AKAP9: variants seen among roughly 807,000 people sequenced by gnomAD.
AKAP9 encodes the protein A-kinase anchoring protein 9.
Under a neutral mutation model 488.5 loss-of-function variants are expected in AKAP9, and 311 were observed. That is an observed-to-expected ratio of 0.64 (90% confidence interval 0.58 to 0.70). The LOEUF (loss-of-function observed/expected upper bound fraction) is 0.70, where lower values mean the gene tolerates loss of function less well. Among genes scored for constraint, AKAP9 ranks in the 30% least tolerant of loss-of-function variants. AKAP9 has a pLI of 0.00. For synonymous variants in AKAP9, 1,462 were observed against 1,483.5 expected, an observed-to-expected ratio of 0.99 and a Z score of 0.33; for missense variants, 4,215 against 4,374.5, an observed-to-expected ratio of 0.96 and a Z score of 1.03.
chr7:91,965,835 A>G (rs1794375569), intron 1 of AKAP9, among the ~76,000 whole-genome samples: 1 of 152,194 alleles, frequency 6.6e-6, no homozygotes, highest in Non-Finnish European at 1.5e-5. Flanking sequence ...GTATTCTCTT[A>G]AGAAATGTCT....
intron 1 of AKAP9, among the ~76,000 whole-genome samples, chr7:91,953,908 A>C (rs754371184): frequency 1.3e-5 from 2 of 151,086 alleles, no homozygotes; most frequent in Non-Finnish European, 2.9e-5. Context: ...AGTAAAAACC[A>C]TTATGTGTTT....
intron 21 of AKAP9, 112 bp from the exon 22 acceptor site, chr7:92,052,614 T>G (rs1460102189): frequency 1.4e-6 from 1 of 735,498 alleles, no homozygotes; most frequent in African/African-American, 1.8e-5. Flanking sequence ...AATATTGTTT[T>G]AAAAGACCTT....
At chr7:91,974,007 G>A (rs749850670) in intron 2 of AKAP9, 39 bp downstream of exon 2, 71 of 1,610,582 alleles carry the variant, frequency 4.4e-5, no homozygotes, top group Non-Finnish European at 5.7e-5. Context: ...TATGGTTCTC[G>A]ATGGAAAGTA....
chr7:92,021,560 C>T (rs568481800), intron 12 of AKAP9, among the ~76,000 whole-genome samples: 1 of 152,092 alleles, frequency 6.6e-6, no homozygotes, highest in East Asian at 1.9e-4. Flanking sequence ...CGCCTCAGCC[C>T]CTCAAGTAAC....
chr7:92,090,665 A>G (rs1389475580), intron 38 of AKAP9: 1 of 152,134 alleles, frequency 6.6e-6, no homozygotes, highest in Non-Finnish European at 1.5e-5. Context: ...AGATACTCCA[A>G]AATTAATATA....
At chr7:91,998,013 T>C (rs1424301731) in intron 7 of AKAP9, among the ~76,000 whole-genome samples, 1 of 152,172 alleles carries the variant, frequency 6.6e-6, no homozygotes, top group African/African-American at 2.4e-5. Flanking sequence ...AGGGCCAGTT[T>C]CGTGGAAGAC....
chr7:91,965,402 A>G (rs1794318211), intron 1 of AKAP9, among the ~76,000 whole-genome samples: 1 of 152,216 alleles, frequency 6.6e-6, no homozygotes, highest in Non-Finnish European at 1.5e-5. Flanking sequence ...TCCATTGTGT[A>G]CATACCACAT....
chr7:91,958,869 G>T (rs1401058143), intron 1 of AKAP9, among the ~76,000 whole-genome samples: 4 of 145,368 alleles, frequency 2.8e-5, no homozygotes, highest in Non-Finnish European at 3.0e-5. Flanking sequence ...TTTTTTTTTT[G>T]AAAACATCAT....
intron 3 of AKAP9, among the ~76,000 whole-genome samples, chr7:91,982,159 TTACGTACG>T (rs908602135): frequency 7.4e-5 from 11 of 149,112 alleles, no homozygotes; most frequent in African/African-American, 2.7e-4. Flanking sequence ...TCTAAGTATT[TTACGTACG>T]TATGTATGTA....
intron 33 of AKAP9, among the ~76,000 whole-genome samples, chr7:92,083,971 TC>T (rs1814066755): frequency 6.6e-6 from 1 of 152,118 alleles, no homozygotes; most frequent in African/African-American, 2.4e-5. Flanking sequence ...AAGCTGTCCC[TC>T]CCCTAGCACC....
At chr7:92,018,789 A>G (rs1158347920) in intron 12 of AKAP9, among the ~76,000 whole-genome samples, 1 of 152,030 alleles carries the variant, frequency 6.6e-6, no homozygotes, top group Admixed American at 6.6e-5. Context: ...TTTTTCATCT[A>G]CTTTCATTGC....
At chr7:92,080,576 G>C (rs920142463) in intron 31 of AKAP9, among the ~76,000 whole-genome samples, 1 of 150,920 alleles carries the variant, frequency 6.6e-6, no homozygotes, top group Non-Finnish European at 1.5e-5. Flanking sequence ...CTCCAACCTG[G>C]GTGACAGAGC....
chr7:92,006,057 A>T (rs1234954326), intron 8 of AKAP9, among the ~76,000 whole-genome samples: 1 of 152,178 alleles, frequency 6.6e-6, no homozygotes, highest in Non-Finnish European at 1.5e-5. Flanking sequence ...AATGTCACAC[A>T]TCTTTTAAAA....
intron 1 of AKAP9, among the ~76,000 whole-genome samples, chr7:91,972,661 G>C (rs1795238118): frequency 6.6e-6 from 1 of 152,190 alleles, no homozygotes; most frequent in Non-Finnish European, 1.5e-5. Flanking sequence ...GGAAGCGAAG[G>C]CAACTTGCTT....
Position 92,042,955 on chromosome 7 carries a change from AATAG to A in AKAP9, c.5162+188_5162+191del, listed in dbSNP as rs1806364417. 7.3e-6 allele frequency: 3 copies of A among 413,324 alleles called. No individual in the cohort carries two copies. In the East Asian group the frequency reaches 1.2e-4, roughly 17 times the overall value. The allele number at this position is 413,324 out of a possible 1,614,324, so 25.6% of individuals were successfully genotyped here. Reference sequence around the variant, plus strand: ...AAGGATTTTCAGTTTTTCATCATTAAATAGATAACATTTTAAAAAAATCTTTTCT... The same window carrying A: ...AAGGATTTTCAGTTTTTCATCATTAAATAACATTTTAAAAAAATCTTTTCT... On this transcript the variant is annotated intron_variant, in intron 20 of 49. Transcript: ENST00000356239.
At chr7:92,014,206 AGTAT>A (rs774622648) in intron 9 of AKAP9, 39 bp from the exon 10 acceptor site, 47 of 1,307,076 alleles carry the variant, frequency 3.6e-5, no homozygotes, top group Non-Finnish European at 5.0e-5. Context: ...ATAGTTCTTA[AGTAT>A]GTAAATTGAA....
chr7:92,052,344 C>T (rs1398539613), intron 21 of AKAP9, among the ~76,000 whole-genome samples: 1 of 152,176 alleles, frequency 6.6e-6, no homozygotes, highest in Non-Finnish European at 1.5e-5. Context: ...TGTGTTTCCT[C>T]ATTACATTGT....
chr7:92,107,547 C>T, intron 48 of AKAP9, 125 bp downstream of exon 48: 2 of 999,160 alleles, frequency 2.0e-6, no homozygotes, highest in South Asian at 1.4e-5. Flanking sequence ...ATATAATTTA[C>T]ATAATATGAC....
chr7:92,029,897 T>A lies in AKAP9; in HGVS notation c.4151T>A (p.Leu1384Ter). ...TAACCTTTTTTATTTATATTCAGCT[T>A]ACCTGTTGATTCGGTGGTAATTACA... Reference protein sequence around the residue: ...AVSESTVPPSLPVDSVVITES... With the variant: ...AVSESTVPPS The change falls in exon 15 of 50, where the codon TTA becomes TAA. Residue 1384 changes from leucine to a stop codon, truncating the protein, a stop_gained and splice_region_variant. Transcript: ENST00000356239. LOFTEE classifies it high-confidence loss of function. 6.2e-7 allele frequency: 1 copy of A among 1,609,878 alleles called. No individual in the cohort carries two copies. The highest frequency in any genetic ancestry group is 8.5e-7 in the Non-Finnish European group (1 of 1,176,274).
Sources: gnomAD v4.1 joint callset for allele counts (sites outside exome capture counted in the v4.1 genomes callset) on GRCh38, gnomAD v4.1.1 for gene constraint, MANE v1.5 for transcripts, NCBI Gene and HGNC (gene_info 2026-07-23, HGNC 2026-07-21) for gene names.